The following RABGAP1L variants were observed in gnomAD, a reference collection of about 807,000 sequenced individuals.
RABGAP1L encodes the protein rab GTPase-activating protein 1-like.
A neutral mutation model predicts 137.7 loss-of-function variants in RABGAP1L; 63 were observed. The observed-to-expected ratio is 0.46, with a 90% confidence interval of 0.37 to 0.56. The LOEUF is 0.56. RABGAP1L is among the 20% of genes least tolerant of loss of function. RABGAP1L has a pLI of 0.00. For synonymous variants in RABGAP1L, 431 were observed against 433.7 expected (o/e 0.99, Z 0.08); for missense variants, 1,095 against 1,244.0 (o/e 0.88, Z 1.80).
Position 174,831,835 on chromosome 1 carries a change from C to G in RABGAP1L, c.2340+19875C>G, listed in dbSNP as rs574368925. On this transcript the variant is annotated intron_variant, in intron 19 of 25. Coordinates refer to ENST00000681986, the MANE Select transcript of RABGAP1L (RefSeq NM_001366446.1). ...TATCACAAGATCCAAATTCTAGTGACTTAACTTTAGATTGATCTAACACCT... is the reference window on the plus strand; with the variant it reads ...TATCACAAGATCCAAATTCTAGTGAGTTAACTTTAGATTGATCTAACACCT... Among the ~76,000 whole-genome samples, 5 of 148,210 alleles carry G rather than the reference C, an allele frequency of 3.4e-5. 1 individual carries two copies. The East Asian group carries it at 1.0e-3, about 31-fold the overall frequency.
intron 19 of RABGAP1L, among the ~76,000 whole-genome samples, chr1:174,855,698 G>A (rs996250226): frequency 6.6e-6 from 1 of 152,168 alleles, no homozygotes; most frequent in African/African-American, 2.4e-5. Context: ...CCTGTTTAAA[G>A]CAGGTTTTTG....
chr1:174,601,705 C>G (rs1670426842), intron 13 of RABGAP1L, among the ~76,000 whole-genome samples: 1 of 151,942 alleles, frequency 6.6e-6, no homozygotes, highest in Non-Finnish European at 1.5e-5. Flanking sequence ...CATTAGGCTG[C>G]AAATTTTCTG....
In RABGAP1L at chr1:174,448,222, G is replaced by A; in HGVS notation, c.1710+54077G>A. 6.2e-7 allele frequency: 1 copy of A among 1,614,054 alleles called. No individual in the cohort carries two copies. Among genetic ancestry groups the A allele is most frequent in the Non-Finnish European group, 8.5e-7 (1 of 1,179,956 alleles). ...TTGGATTTGGCCACTACAGTGTGGT[G>A]GATGTCTGCATCTTCGAGACAGTGG... is the stretch of plus-strand genomic sequence containing the variant. On this transcript the variant is annotated intron_variant, in intron 13 of 25. Transcript: ENST00000681986. This position sits in a 1 kb window ranked among gnomAD's most constrained non-coding sequence, Gnocchi z 4.2.
chr1:174,564,081 T>C (rs1490451652), intron 13 of RABGAP1L, among the ~76,000 whole-genome samples: 1 of 152,186 alleles, frequency 6.6e-6, no homozygotes, highest in Non-Finnish European at 1.5e-5. Flanking sequence ...TCTCCTCTTC[T>C]TGCTTCTTAG....
intron 1 of RABGAP1L, among the ~76,000 whole-genome samples, chr1:174,214,386 A>T (rs1351081121): frequency 6.6e-6 from 1 of 152,314 alleles, no homozygotes; most frequent in South Asian, 2.1e-4. Flanking sequence ...GGAGGAACCA[A>T]TATTGTTAAA....
chr1:174,676,940 G>T (rs982092535), intron 14 of RABGAP1L, among the ~76,000 whole-genome samples: 2 of 152,074 alleles, frequency 1.3e-5, no homozygotes, highest in Non-Finnish European at 2.9e-5. Flanking sequence ...GGAGTCATCT[G>T]TAGATGGTTT....
chr1:174,954,429 C>G (rs1668204219), intron 19 of RABGAP1L, among the ~76,000 whole-genome samples: 1 of 152,212 alleles, frequency 6.6e-6, no homozygotes, highest in South Asian at 2.1e-4. Flanking sequence ...AAAAATGTTT[C>G]ACTTTGAAAT....
chr1:174,683,848 C>T (rs1388522198), intron 15 of RABGAP1L, among the ~76,000 whole-genome samples: 1 of 152,194 alleles, frequency 6.6e-6, no homozygotes, highest in Non-Finnish European at 1.5e-5. Context: ...CTAGAATCCT[C>T]TGGAATTAAA....
intron 11 of RABGAP1L, among the ~76,000 whole-genome samples, chr1:174,348,902 C>T (rs1682716991): frequency 6.6e-6 from 1 of 152,240 alleles, no homozygotes; most frequent in Non-Finnish European, 1.5e-5. Context: ...CAATCCTTTC[C>T]CCGCCTTTCC....
At position 174,278,702 on chromosome 1, in the gene RABGAP1L, G is replaced by A; in HGVS notation, c.1246G>A (p.Val416Met). 1.9e-6 allele frequency: 3 copies of A among 1,601,850 alleles called. No individual in the cohort carries two copies. Among genetic ancestry groups the A allele is most frequent in the Non-Finnish European group, 2.5e-6 (3 of 1,176,590 alleles). The change falls in exon 10 of 26, where the codon GTG becomes ATG. Residue 416 changes from valine (V) to methionine (M), a missense_variant. By Grantham distance (21) the Val-to-Met change is conservative. Around this residue, in one of 4 missense-constraint regions of RABGAP1L, gnomAD observed 315 missense variants for 324.8 expected, o/e 0.97. Transcript: ENST00000681986. ...VRFLLETVVR[V>M]YPANERFWYF... ...CTTTCTCCTGGAGACAGTAGTCCGT[G>A]TGTACCCTGCAAATGAGCGATTTTG... is the stretch of plus-strand genomic sequence containing the variant.
At chr1:174,241,454 T>A (rs1671822297) in intron 4 of RABGAP1L, 29 bp from the exon 5 acceptor site, 1 of 1,410,234 alleles carries the variant, frequency 7.1e-7, no homozygotes, top group Non-Finnish European at 9.5e-7. Context: ...AATTAATATT[T>A]TATCTAACTT....
Position 174,538,583 on chromosome 1 carries a change from T to G in RABGAP1L, c.1711-98792T>G, listed in dbSNP as rs562892019. Among the ~76,000 whole-genome samples, 5 of 152,298 alleles carry G rather than the reference T, an allele frequency of 3.3e-5. No individual in the cohort carries two copies. In the East Asian group the frequency reaches 9.6e-4, roughly 29 times the overall value. ...TACTCTTTGAACTGCATCTTGACAT[T>G]TAATTTTTCTATGACTTAGTTTTTT... is the stretch of plus-strand genomic sequence containing the variant. On this transcript the variant is annotated intron_variant, in intron 13 of 25. Coordinates refer to ENST00000681986, the MANE Select transcript of RABGAP1L (RefSeq NM_001366446.1).
chr1:174,569,153 A>G (rs530041220), intron 13 of RABGAP1L, among the ~76,000 whole-genome samples: 2 of 152,302 alleles, frequency 1.3e-5, no homozygotes, highest in South Asian at 2.1e-4. Flanking sequence ...CATACTAACA[A>G]CATTTTCATC....
intron 23 of RABGAP1L, among the ~76,000 whole-genome samples, chr1:174,981,386 T>A (rs1033703885): frequency 1.9e-4 from 29 of 152,078 alleles, no homozygotes; most frequent in African/African-American, 6.0e-4. Flanking sequence ...GAAATTGGAA[T>A]GAAACTCAAC....
At chr1:174,567,236 C>T (rs996388587) in intron 13 of RABGAP1L, among the ~76,000 whole-genome samples, 1 of 152,276 alleles carries the variant, frequency 6.6e-6, no homozygotes, top group Admixed American at 6.5e-5. Flanking sequence ...ATGAATTTGC[C>T]TATTCTAAGT....
intron 13 of RABGAP1L, among the ~76,000 whole-genome samples, chr1:174,602,884 T>C (rs1345603398): frequency 6.6e-6 from 1 of 152,156 alleles, no homozygotes; most frequent in African/African-American, 2.4e-5. Context: ...TTCTTCAAAA[T>C]AGGTATTTTG....
At chr1:174,407,127 G>A (rs141478296) in intron 13 of RABGAP1L, among the ~76,000 whole-genome samples, 1 of 151,940 alleles carries the variant, frequency 6.6e-6, no homozygotes, top group East Asian at 1.9e-4. Flanking sequence ...TATTGATTAC[G>A]GCTGAGGTGA....
At chr1:174,718,084 T>G (rs926303379) in intron 17 of RABGAP1L, among the ~76,000 whole-genome samples, 1 of 152,214 alleles carries the variant, frequency 6.6e-6, no homozygotes, top group East Asian at 1.9e-4. Context: ...TGTGAAGCTT[T>G]CTTTCTCCTT....
chr1:174,452,085 G>C (rs1488331299), intron 13 of RABGAP1L, among the ~76,000 whole-genome samples: 1 of 152,086 alleles, frequency 6.6e-6, no homozygotes, highest in Non-Finnish European at 1.5e-5. Context: ...TAATGTGTTT[G>C]TATAATAAGC....
Sources: gnomAD v4.1 joint callset for allele counts (sites outside exome capture counted in the v4.1 genomes callset) on GRCh38, gnomAD v4.1.1 for gene constraint, gnomAD v4.1.1 regional missense constraint, Gnocchi (gnomAD v3.1) non-coding constraint, MANE v1.5 for transcripts, NCBI Gene and HGNC (gene_info 2026-07-23, HGNC 2026-07-21) for gene names.